Variants in ZFHX4 observed in about 807,000 individuals in gnomAD.
ZFHX4 encodes the protein zinc finger homeobox 4.
ZFHX4 carries 56 observed loss-of-function variants against 267.6 expected under a neutral mutation model. That is an observed-to-expected ratio of 0.21 (90% CI 0.17 to 0.26). The LOEUF (loss-of-function observed/expected upper bound fraction) is 0.26, where lower values mean the gene tolerates loss of function less well. Ranked by LOEUF, ZFHX4 falls within the 10% of genes least tolerant of loss-of-function variation. The pLI is 1.00. For missense variants in ZFHX4, 4,332 were observed against 4,420.0 expected (o/e 0.98, Z 0.56); for synonymous variants, 1,778 against 1,665.6 (o/e 1.07, Z -1.64).
At chr8:76,791,039 C>A (rs970510146) in intron 4 of ZFHX4, among the ~76,000 whole-genome samples, 1 of 152,228 alleles carries the variant, frequency 6.6e-6, no homozygotes, top group African/African-American at 2.4e-5. Context: ...TCAATAAGTT[C>A]TTTTGCTTAA....
intron 1 of ZFHX4, among the ~76,000 whole-genome samples, chr8:76,684,971 T>C (rs902633499): frequency 6.6e-6 from 1 of 152,220 alleles, no homozygotes; most frequent in Non-Finnish European, 1.5e-5. Flanking sequence ...CTGCACTGGA[T>C]GGATGAGAAT....
rs557822142 is a variant in ZFHX4 at position 76,851,840 on chromosome 8, C to A, written c.4919C>A (p.Ala1640Glu). The A allele has an allele frequency of 1.9e-6, 3 of 1,613,932 alleles. No individual in the cohort carries two copies. Among genetic ancestry groups the A allele is most frequent in the African/African-American group, 1.3e-5 (1 of 75,054 alleles). Residue 1640 changes from alanine to glutamate, a missense_variant, in exon 10 of 11, where the codon GCA (alanine) becomes GAA (glutamate). This residue lies in a region of ZFHX4 where 1,371 missense variants were observed against 1,423.1 expected (regional missense o/e 0.96). Transcript: ENST00000651372. The stretch of plus-strand genomic sequence containing the variant: ...GTGGCTGGTGGGCACAGCATTGCAG[C>A]AAATGTCAACAGCCCTGGCCAGGGG... ...GHVAGGHSIA[A>E]NVNSPGQGML...
chr8:76,792,122 T>C (rs1182256983), intron 4 of ZFHX4, among the ~76,000 whole-genome samples: 1 of 152,204 alleles, frequency 6.6e-6, no homozygotes, highest in African/African-American at 2.4e-5. Flanking sequence ...CCTAATGCTA[T>C]ATGGCCAGAG....
At chr8:76,808,017 T>A (rs908449581) in intron 4 of ZFHX4, among the ~76,000 whole-genome samples, 3 of 152,134 alleles carry the variant, frequency 2.0e-5, no homozygotes, top group Non-Finnish European at 2.9e-5. Flanking sequence ...TGTGGTTCCC[T>A]TGCAATGTTG....
intron 4 of ZFHX4, among the ~76,000 whole-genome samples, chr8:76,808,191 A>G (rs2728457): frequency 0.38 from 57,836 of 151,868 alleles, 13,769 homozygotes; most frequent in African/African-American, 0.66. Flanking sequence ...AGCCAAAAAA[A>G]CTTTTACTAG....
At chr8:76,829,389 G>A (rs1182918940) in intron 4 of ZFHX4, among the ~76,000 whole-genome samples, 1 of 152,030 alleles carries the variant, frequency 6.6e-6, no homozygotes, top group East Asian at 1.9e-4. Flanking sequence ...AATATTGCTT[G>A]TACAGGGAAG....
chr8:76,780,604 C>T (rs1032642526), intron 4 of ZFHX4, among the ~76,000 whole-genome samples: 1 of 152,150 alleles, frequency 6.6e-6, no homozygotes, highest in Non-Finnish European at 1.5e-5. Context: ...CTCAAGCTCT[C>T]TTTTGGCTAA....
At chr8:76,730,889 C>T (rs919032753) in intron 3 of ZFHX4, among the ~76,000 whole-genome samples, 3 of 152,106 alleles carry the variant, frequency 2.0e-5, no homozygotes, top group South Asian at 2.1e-4. Flanking sequence ...GAATGTTTTA[C>T]GTCCATTGTC....
chr8:76,844,785 G>T (rs1330424410), intron 6 of ZFHX4, among the ~76,000 whole-genome samples: 3 of 152,230 alleles, frequency 2.0e-5, no homozygotes, highest in South Asian at 2.1e-4. Context: ...AAAAGCAGTT[G>T]CTGAAATGCA....
At chr8:76,740,002 G>A (rs16939347) in intron 3 of ZFHX4, among the ~76,000 whole-genome samples, 40,479 of 151,924 alleles carry the variant, frequency 0.27, 7,120 homozygotes, top group African/African-American at 0.49. Flanking sequence ...AACTATTTGG[G>A]TTGCAACAGA....
At chr8:76,684,147 C>T (rs1807630829) in intron 1 of ZFHX4, among the ~76,000 whole-genome samples, 1 of 151,188 alleles carries the variant, frequency 6.6e-6, no homozygotes, top group Admixed American at 6.6e-5. Flanking sequence ...AGGAGATATT[C>T]GGAATTATTT....
At chr8:76,751,815 C>G (rs572139205) in intron 3 of ZFHX4, among the ~76,000 whole-genome samples, 1 of 152,088 alleles carries the variant, frequency 6.6e-6, no homozygotes, top group Admixed American at 6.6e-5. Context: ...ACTCTTCTAG[C>G]TACGATGATG....
intron 3 of ZFHX4, among the ~76,000 whole-genome samples, chr8:76,750,604 G>A (rs370785392): frequency 6.6e-5 from 10 of 152,134 alleles, no homozygotes; most frequent in South Asian, 4.1e-4. Context: ...TCCAAACTGC[G>A]TCTTTGTGAT....
At chr8:76,749,406 T>G (rs1392780733) in intron 3 of ZFHX4, among the ~76,000 whole-genome samples, 1 of 152,212 alleles carries the variant, frequency 6.6e-6, no homozygotes, top group Non-Finnish European at 1.5e-5. Context: ...TCAAGAATTC[T>G]TAAGTTTCTT....
intron 3 of ZFHX4, among the ~76,000 whole-genome samples, chr8:76,743,648 G>A (rs1465779882): frequency 6.6e-6 from 1 of 152,156 alleles, no homozygotes; most frequent in Non-Finnish European, 1.5e-5. Context: ...AAGTAGAGTT[G>A]AATGAGTGAT....
At chr8:76,689,632 T>C (rs1807776285) in intron 1 of ZFHX4, among the ~76,000 whole-genome samples, 1 of 152,142 alleles carries the variant, frequency 6.6e-6, no homozygotes, top group South Asian at 2.1e-4. Flanking sequence ...GTGATCTTGC[T>C]GGACTTGATG....
intron 3 of ZFHX4, among the ~76,000 whole-genome samples, chr8:76,755,363 C>G (rs1809734812): frequency 6.6e-6 from 1 of 151,916 alleles, no homozygotes; most frequent in African/African-American, 2.4e-5. Flanking sequence ...TGATTTTTGC[C>G]TTTTTAGATC....
In ZFHX4 at chr8:76,836,235, G is replaced by C. The variant is rs767703740; in HGVS notation, c.3394+2829G>C. Among the ~76,000 whole-genome samples, 65 of 152,158 alleles carry C rather than the reference G, an allele frequency of 4.3e-4. 1 individual carries two copies. The highest frequency in any genetic ancestry group is 1.0e-4 in the Non-Finnish European group (7 of 68,016). On this transcript the variant is annotated intron_variant, in intron 5 of 10. Coordinates refer to ENST00000651372, the MANE Select transcript of ZFHX4 (RefSeq NM_024721.5). The stretch of plus-strand genomic sequence containing the variant: ...AAAGGAAGTGTTAAAGAGGTGATAT[G>C]TTAGAGCAGAGGTTCTCAAAGTGTG...
rs1386974640 is a variant in ZFHX4 at position 76,864,051 on chromosome 8, A to G, written c.10337A>G (p.Lys3446Arg). ...ACAGTGCTTCGTGTCCCAGTCAGCA[A>G]ATATCAGTGTCTTGCCTGTGATGTG... ...QETVLRVPVS[K>R]YQCLACDVAI... The change falls in exon 11 of 11, where the codon AAA becomes AGA. Residue 3446 changes from lysine to arginine, a missense_variant. Physicochemically the swap from Lys to Arg is conservative, Grantham distance 26. This residue lies in a region of ZFHX4 where 1,648 missense variants were observed against 1,625.0 expected (regional missense o/e 1.01). Coordinates refer to ENST00000651372, the MANE Select transcript of ZFHX4 (RefSeq NM_024721.5). 1 of 1,613,840 alleles carries G rather than the reference A, an allele frequency of 6.2e-7. No homozygotes were observed. Among genetic ancestry groups the G allele is most frequent in the Non-Finnish European group, 8.5e-7 (1 of 1,179,856 alleles).
Sources: allele counts gnomAD v4.1 joint callset (sites outside exome capture counted in the v4.1 genomes callset), GRCh38; gene constraint gnomAD v4.1.1; regional missense constraint gnomAD v4.1.1; transcripts MANE v1.5; gene names NCBI Gene and HGNC (gene_info 2026-07-23, HGNC 2026-07-21).